Variants in SMAP1 observed in about 807,000 individuals in gnomAD.
The protein encoded by SMAP1 is small ArfGAP 1, also known as stromal membrane-associated protein 1.
In SMAP1, 24 loss-of-function variants were observed where a neutral mutation model predicts 58.5. That is an observed-to-expected ratio of 0.41 (90% CI 0.30 to 0.58). The LOEUF (loss-of-function observed/expected upper bound fraction) is 0.58. SMAP1 is among the 20% of genes least tolerant of loss of function. The pLI, the probability that SMAP1 is intolerant of heterozygous loss-of-function variation, is 0.29. For synonymous variants in SMAP1, 216 were observed against 196.6 expected (o/e 1.10, Z -0.82); for missense variants, 563 against 566.3 (o/e 0.99, Z 0.06).
chr6:70,718,724 G>A (rs1324772790), intron 1 of SMAP1, among the ~76,000 whole-genome samples: 1 of 151,200 alleles, frequency 6.6e-6, no homozygotes, highest in African/African-American at 2.4e-5. Flanking sequence ...GGGAGGCTGA[G>A]GCAGGAAAAT....
At chr6:70,691,034 TTA>T in intron 1 of SMAP1, among the ~76,000 whole-genome samples, 1 of 152,250 alleles carries the variant, frequency 6.6e-6, no homozygotes, top group Admixed American at 6.5e-5. Context: ...GCCATTCAGG[TTA>T]TCTTTTCCTT....
At chr6:70,704,414 T>G (rs531309460) in intron 1 of SMAP1, among the ~76,000 whole-genome samples, 15 of 152,240 alleles carry the variant, frequency 9.9e-5, no homozygotes, top group Admixed American at 5.2e-4. Flanking sequence ...ATATATAAAT[T>G]TGATTGTATT....
intron 7 of SMAP1, among the ~76,000 whole-genome samples, chr6:70,849,198 C>T (rs1463647501): frequency 6.6e-6 from 1 of 152,110 alleles, no homozygotes; most frequent in African/African-American, 2.4e-5. Flanking sequence ...AAAAAGTCTT[C>T]CTTAATCAAT....
chr6:70,851,726 T>C (rs1235793423), intron 7 of SMAP1, among the ~76,000 whole-genome samples: 1 of 152,134 alleles, frequency 6.6e-6, no homozygotes, highest in Non-Finnish European at 1.5e-5. Context: ...GGATATAAAA[T>C]AAACCGGTTT....
chr6:70,766,700 T>C (rs1311406288), intron 3 of SMAP1, among the ~76,000 whole-genome samples: 1 of 152,222 alleles, frequency 6.6e-6, no homozygotes, highest in Non-Finnish European at 1.5e-5. Context: ...GTAGGTTGCC[T>C]GTTCACTCTG....
chr6:70,823,488 G>T (rs1008430145), intron 6 of SMAP1, among the ~76,000 whole-genome samples: 1 of 152,060 alleles, frequency 6.6e-6, no homozygotes, highest in African/African-American at 2.4e-5. Flanking sequence ...TTCAGGGCAG[G>T]CCTTGTTAAA....
intron 1 of SMAP1, among the ~76,000 whole-genome samples, chr6:70,705,941 T>C (rs1425863913): frequency 6.6e-6 from 1 of 152,216 alleles, no homozygotes; most frequent in East Asian, 1.9e-4. Context: ...ATACTGCCTT[T>C]AGTGTGTAAC....
At chr6:70,784,452 A>G (rs1460331784) in intron 4 of SMAP1, among the ~76,000 whole-genome samples, 2 of 152,188 alleles carry the variant, frequency 1.3e-5, no homozygotes, top group East Asian at 3.9e-4. Context: ...ACACATAACA[A>G]TATTAACTTT....
chr6:70,804,447 T>C (rs1769024084), intron 6 of SMAP1, among the ~76,000 whole-genome samples: 1 of 152,168 alleles, frequency 6.6e-6, no homozygotes, highest in Non-Finnish European at 1.5e-5. Context: ...TTTGACTCTA[T>C]CCAGTTTGCC....
chr6:70,841,502 T>C (rs1300576436), intron 7 of SMAP1, among the ~76,000 whole-genome samples: 1 of 152,220 alleles, frequency 6.6e-6, no homozygotes, highest in Non-Finnish European at 1.5e-5. Context: ...CATCATGTGT[T>C]TCTCTATTCA....
At chr6:70,850,123 A>T (rs187263575) in intron 7 of SMAP1, among the ~76,000 whole-genome samples, 21 of 152,328 alleles carry the variant, frequency 1.4e-4, no homozygotes, top group Admixed American at 1.1e-3. Context: ...CTAAGGTACT[A>T]AGTAGAACAG....
intron 6 of SMAP1, among the ~76,000 whole-genome samples, chr6:70,808,080 T>G (rs1485464306): frequency 6.6e-6 from 1 of 152,058 alleles, no homozygotes; most frequent in Non-Finnish European, 1.5e-5. Flanking sequence ...TCATAAAGGT[T>G]TTTATCCTCA....
At position 70,667,885 on chromosome 6, in the gene SMAP1, C is replaced by G. The variant is rs1174216922; in HGVS notation, c.-139C>G. ...CGCCACCGCCGCCGCCGCCCCTCCT[C>G]CCGTTCCAGCTGCCGCTGCCGCTTC... On this transcript the variant is annotated 5_prime_UTR_variant, in exon 1 of 11. Coordinates refer to ENST00000370455, the MANE Select transcript of SMAP1 (RefSeq NM_001044305.3). 9 of 630,370 alleles carry G rather than the reference C, an allele frequency of 1.4e-5. No individual in the cohort carries two copies. The highest frequency in any genetic ancestry group is 1.3e-4 in the Admixed American group (3 of 23,746). 39.0% of individuals were successfully genotyped at this position (630,370 alleles called of 1,614,324 possible).
chr6:70,775,622 G>T (rs1445213977), intron 4 of SMAP1, among the ~76,000 whole-genome samples: 1 of 152,134 alleles, frequency 6.6e-6, no homozygotes, highest in Non-Finnish European at 1.5e-5. Context: ...GTTAGTATTT[G>T]ACTAATATTA....
chr6:70,805,859 C>G (rs1302574481), intron 6 of SMAP1, among the ~76,000 whole-genome samples: 4 of 152,158 alleles, frequency 2.6e-5, no homozygotes, highest in African/African-American at 9.7e-5. Flanking sequence ...ATATTGCTGC[C>G]TGATCTTTCC....
At chr6:70,779,511 C>T (rs941773760) in intron 4 of SMAP1, among the ~76,000 whole-genome samples, 1 of 152,128 alleles carries the variant, frequency 6.6e-6, no homozygotes, top group Non-Finnish European at 1.5e-5. Flanking sequence ...AAGGACTCTT[C>T]TGTAGCTAAG....
intron 1 of SMAP1, among the ~76,000 whole-genome samples, chr6:70,684,961 C>T (rs1410854702): frequency 6.6e-6 from 1 of 152,098 alleles, no homozygotes; most frequent in African/African-American, 2.4e-5. Flanking sequence ...CTTCCTTCTT[C>T]GTGGTGGGGG....
At chr6:70,752,266 A>C (rs1766310869) in intron 2 of SMAP1, among the ~76,000 whole-genome samples, 1 of 152,204 alleles carries the variant, frequency 6.6e-6, no homozygotes. Context: ...TCTAAAACTA[A>C]GAGCCTGCTG....
At chr6:70,828,644 A>G (rs1171592024) in intron 6 of SMAP1, among the ~76,000 whole-genome samples, 4 of 152,182 alleles carry the variant, frequency 2.6e-5, no homozygotes, top group Non-Finnish European at 5.9e-5. Context: ...CTAGTTGGCT[A>G]TTTATTTAGG....
Sources: gnomAD v4.1 joint callset for allele counts (sites outside exome capture counted in the v4.1 genomes callset) on GRCh38, gnomAD v4.1.1 for gene constraint, MANE v1.5 for transcripts, NCBI Gene and HGNC (gene_info 2026-07-23, HGNC 2026-07-21) for gene names.